The following TRIM69 variants were observed in gnomAD, a reference collection of about 807,000 sequenced individuals.
TRIM69 encodes E3 ubiquitin-protein ligase TRIM69.
TRIM69 carries 29 observed loss-of-function variants against 37.7 expected under a neutral mutation model. That is an observed-to-expected ratio of 0.77 (90% confidence interval 0.57 to 1.05). The LOEUF is 1.05. Among genes scored for constraint, TRIM69 ranks in the 50% least tolerant of loss-of-function variants. TRIM69 has a pLI of 0.00. For missense variants in TRIM69, 596 were observed against 579.9 expected (o/e 1.03, Z -0.28); for synonymous variants, 209 against 212.4 (o/e 0.98, Z 0.14).
At chr15:44,762,418 T>C (rs1198405575) in intron 6 of TRIM69, among the ~76,000 whole-genome samples, 4 of 152,188 alleles carry the variant, frequency 2.6e-5, no homozygotes, top group African/African-American at 9.7e-5. Flanking sequence ...AAATTTTGAA[T>C]AATATCAGCT....
chr15:44,755,307 G>C lies in TRIM69; in HGVS notation c.414G>C (p.Lys138Asn), dbSNP rs2087622038. 1 of 1,614,100 alleles carries C rather than the reference G, an allele frequency of 6.2e-7. No individual in the cohort carries two copies. The highest frequency in any genetic ancestry group is 8.5e-7 in the Non-Finnish European group (1 of 1,180,020). The change falls in exon 2 of 7, where the codon AAG becomes AAC. Residue 138 changes from lysine (K) to asparagine (N), a missense_variant. Lys to Asn is a moderately conservative substitution (Grantham distance 94). Transcript: ENST00000329464. ...GGAAACTGATCTGCTTTCAATGCAAGGATGCTCGGTTGTCTGTGGGGCAGT... is the reference window on the plus strand; with the variant it reads ...GGAAACTGATCTGCTTTCAATGCAACGATGCTCGGTTGTCTGTGGGGCAGT... ...PDGKLICFQC[K>N]DARLSVGQSK...
Position 44,736,709 on chromosome 15 carries a change from A to T in TRIM69, c.5A>T (p.Glu2Val). M[E>V]VSTNPSSNID... is the part of the protein sequence containing the mutation. ...CCCTTGGTGGGCTGAAGCTTCATGG[A>T]GGTGAGTGACCCTTTTTTTTTTTAA... The change falls in exon 1 of 7, where the codon GAG becomes GTG. Residue 2 changes from glutamate (E) to valine (V), a missense_variant and splice_region_variant. Transcript: ENST00000329464. The T allele has an allele frequency of 6.3e-7, 1 of 1,576,484 alleles. No individual in the cohort carries two copies.
At chr15:44,749,019 T>C (rs961060667) in intron 1 of TRIM69, among the ~76,000 whole-genome samples, 3 of 151,702 alleles carry the variant, frequency 2.0e-5, no homozygotes, top group African/African-American at 7.3e-5. Context: ...TAGCCGGGAT[T>C]ACAGGCACGT....
At chr15:44,752,426 T>C (rs1374064750) in intron 1 of TRIM69, among the ~76,000 whole-genome samples, 1 of 152,220 alleles carries the variant, frequency 6.6e-6, no homozygotes, top group Non-Finnish European at 1.5e-5. Context: ...CTATTTTACT[T>C]GATATTAGTA....
rs2087166231 is a variant in TRIM69 at position 44,736,630 on chromosome 15, C to T, written c.-75C>T. The stretch of plus-strand genomic sequence containing the variant: ...TGAAAACTAAAAGGTCCCTGACTCC[C>T]AGTCTGCAGCCATCCTGGGCCTGCT... On this transcript the variant is annotated 5_prime_UTR_variant, in exon 1 of 7. Coordinates refer to ENST00000329464, the MANE Select transcript of TRIM69 (RefSeq NM_182985.5). 1.9e-6 allele frequency: 3 copies of T among 1,575,984 alleles called. No individual in the cohort carries two copies. Among genetic ancestry groups the T allele is most frequent in the African/African-American group, 1.4e-5 (1 of 72,348 alleles).
At chr15:44,749,098 C>T (rs1245135962) in intron 1 of TRIM69, among the ~76,000 whole-genome samples, 1 of 152,056 alleles carries the variant, frequency 6.6e-6, no homozygotes. Context: ...CCATGTTGCT[C>T]ACGCTGGTCT....
chr15:44,741,114 G>A (rs1388280523), intron 1 of TRIM69, among the ~76,000 whole-genome samples: 2 of 151,546 alleles, frequency 1.3e-5, no homozygotes, highest in African/African-American at 4.8e-5. Flanking sequence ...ATAACAAACT[G>A]TCTCTCAGAC....
intron 1 of TRIM69, among the ~76,000 whole-genome samples, chr15:44,738,050 C>CTTTTTTTTT (rs772041054): frequency 3.4e-5 from 4 of 118,018 alleles, no homozygotes; most frequent in African/African-American, 1.3e-4. Context: ...TACTTTCTTT[C>CTTTTTTTTT]TTTCTTTTTT....
rs778647787 is a variant in TRIM69, at chr15:44,767,302, G to T, written c.1033G>T (p.Val345Phe). 2 of 1,613,850 alleles carry T rather than the reference G, an allele frequency of 1.2e-6. No homozygotes were observed. Among genetic ancestry groups the T allele is most frequent in the South Asian group, 1.1e-5 (1 of 91,080 alleles). Residue 345 changes from valine to phenylalanine, a missense_variant, in exon 7 of 7, where the codon GTC becomes TTC. By Grantham distance (50) the Val-to-Phe change is conservative. Coordinates refer to ENST00000329464, the MANE Select transcript of TRIM69 (RefSeq NM_182985.5). ...NLVLSKSQTSVWHGDIKKIMP... is the reference protein window; with the variant it reads ...NLVLSKSQTSFWHGDIKKIMP... ...GGTGCTCTCCAAAAGCCAAACCAGC[G>T]TCTGGCATGGTGACATTAAGAAGAT...
chr15:44,766,212 C>A (rs2087885217), intron 6 of TRIM69, among the ~76,000 whole-genome samples: 1 of 152,146 alleles, frequency 6.6e-6, no homozygotes, highest in African/African-American at 2.4e-5. Flanking sequence ...TTAGATTCAA[C>A]TGACATAAAA....
intron 6 of TRIM69, among the ~76,000 whole-genome samples, chr15:44,766,914 C>T (rs2087899240): frequency 6.6e-6 from 1 of 151,418 alleles, no homozygotes; most frequent in Admixed American, 6.6e-5. Context: ...CAAAGATTAG[C>T]CAGGTGTGGT....
chr15:44,767,693 A>G lies in TRIM69; in HGVS notation c.1424A>G (p.Lys475Arg), dbSNP rs779243821. Reference protein sequence around the residue: ...IYTFSNTFMEKLYPYFCPCLN... With the variant: ...IYTFSNTFMERLYPYFCPCLN... The stretch of plus-strand genomic sequence containing the variant: ...ACCTTCAGTAACACTTTCATGGAGA[A>G]ACTTTATCCCTACTTCTGCCCCTGC... Residue 475 changes from lysine to arginine, a missense_variant, in exon 7 of 7, where the codon AAA becomes AGA. Physicochemically the swap from Lys to Arg is conservative, Grantham distance 26. Transcript: ENST00000329464. 2 of 1,614,178 alleles carry G rather than the reference A, an allele frequency of 1.2e-6. No individual in the cohort carries two copies. Among genetic ancestry groups the G allele is most frequent in the South Asian group, 2.2e-5 (2 of 91,088 alleles).
intron 1 of TRIM69, among the ~76,000 whole-genome samples, chr15:44,745,948 A>G (rs1200743556): frequency 1.3e-5 from 2 of 152,190 alleles, no homozygotes; most frequent in African/African-American, 4.8e-5. Flanking sequence ...AGAGGAGAGA[A>G]GGGGACAGAA....
At chr15:44,765,007 T>C (rs1421039527) in intron 6 of TRIM69, among the ~76,000 whole-genome samples, 1 of 152,204 alleles carries the variant, frequency 6.6e-6, no homozygotes, top group Admixed American at 6.5e-5. Flanking sequence ...CATAAGAGTA[T>C]GCTGAGCAGG....
intron 1 of TRIM69, among the ~76,000 whole-genome samples, chr15:44,748,983 C>T (rs1294663951): frequency 4.0e-5 from 6 of 151,888 alleles, no homozygotes; most frequent in Non-Finnish European, 5.9e-5. Context: ...CAGGTTCAAG[C>T]GATTCTCCAG....
At chr15:44,765,781 AAAC>A (rs780910023) in intron 6 of TRIM69, among the ~76,000 whole-genome samples, 89 of 150,278 alleles carry the variant, frequency 5.9e-4, no homozygotes, top group African/African-American at 2.0e-3. Flanking sequence ...ACAAACAAAC[AAAC>A]AAAAAAAAAA....
chr15:44,765,045 G>A (rs2093963415), intron 6 of TRIM69, among the ~76,000 whole-genome samples: 1 of 152,190 alleles, frequency 6.6e-6, no homozygotes, highest in African/African-American at 2.4e-5. Flanking sequence ...TTCATGATAT[G>A]TGTAGAATAG....
Position 44,755,190 on chromosome 15 carries a change from G to C in TRIM69, c.297G>C (p.Leu99Phe), listed in dbSNP as rs764614072. 1 of 1,614,184 alleles carries C rather than the reference G, an allele frequency of 6.2e-7. No homozygotes were observed. Among genetic ancestry groups the C allele is most frequent in the East Asian group, 2.2e-5 (1 of 44,888 alleles). The change falls in exon 2 of 7, where the codon TTG (leucine) becomes TTC (phenylalanine). Residue 99 changes from leucine to phenylalanine, a missense_variant. Physicochemically the swap from Leu to Phe is conservative, Grantham distance 22 (BLOSUM62 0). Coordinates refer to ENST00000329464, the MANE Select transcript of TRIM69 (RefSeq NM_182985.5). ...NCTFNPVLDK[L>F]VEKIKKLPLL... ...CATTCAACCCTGTACTGGACAAGTT[G>C]GTAGAGAAGATTAAGAAGTTACCCT... is the stretch of plus-strand genomic sequence containing the variant.
chr15:44,758,932 G>C, intron 4 of TRIM69, 78 bp downstream of exon 4: 1 of 1,496,960 alleles, frequency 6.7e-7, no homozygotes, highest in East Asian at 2.5e-5. Context: ...ATGCGGAAGT[G>C]GCTTTTCACA....
Sources: gnomAD v4.1 joint callset for allele counts (sites outside exome capture counted in the v4.1 genomes callset) on GRCh38, gnomAD v4.1.1 for gene constraint, MANE v1.5 for transcripts, NCBI Gene and HGNC (gene_info 2026-07-23, HGNC 2026-07-21) for gene names.